RIMS2: variants seen among roughly 807,000 people sequenced by gnomAD.
The protein encoded by RIMS2 is regulating synaptic membrane exocytosis protein 2.
A neutral mutation model predicts 174.4 loss-of-function variants in RIMS2; 59 were observed. The observed-to-expected ratio is 0.34, with a 90% CI of 0.27 to 0.42. The LOEUF (loss-of-function observed/expected upper bound fraction) is 0.42. Among genes scored for constraint, RIMS2 ranks in the 10% least tolerant of loss-of-function variants. The pLI, the probability that RIMS2 is intolerant of heterozygous loss-of-function variation, is 1.00. For synonymous variants in RIMS2, 606 were observed against 572.5 expected (o/e 1.06, Z -0.84); for missense variants, 1,620 against 1,666.3 (o/e 0.97, Z 0.48).
At chr8:104,134,267 C>T (rs150811264) in intron 19 of RIMS2, among the ~76,000 whole-genome samples, 230 of 152,200 alleles carry the variant, frequency 1.5e-3, no homozygotes, top group African/African-American at 5.3e-3. Flanking sequence ...GAGTTCAAGA[C>T]CAGCTTGACC....
At chr8:103,552,738 C>G (rs1334588584) in intron 1 of RIMS2, among the ~76,000 whole-genome samples, 2 of 152,138 alleles carry the variant, frequency 1.3e-5, no homozygotes, top group Admixed American at 1.3e-4. Flanking sequence ...AGAACTTAAA[C>G]AAGTTTACAA....
intron 17 of RIMS2, among the ~76,000 whole-genome samples, chr8:104,002,346 A>G (rs2095422543): frequency 6.6e-6 from 1 of 151,978 alleles, no homozygotes; most frequent in South Asian, 2.1e-4. Context: ...AATATCCTCA[A>G]TTCTCTTGCT....
intron 3 of RIMS2, among the ~76,000 whole-genome samples, chr8:103,818,115 A>G (rs1018674379): frequency 5.3e-5 from 8 of 152,128 alleles, no homozygotes; most frequent in Non-Finnish European, 1.2e-4. Context: ...ATATTATTAC[A>G]TGTTTAATTT....
chr8:103,983,343 G>C (rs118187780), intron 16 of RIMS2, among the ~76,000 whole-genome samples: 17 of 152,256 alleles, frequency 1.1e-4, no homozygotes, highest in Non-Finnish European at 1.9e-4. Flanking sequence ...TACAGATTCA[G>C]TGCAATCCCT....
intron 19 of RIMS2, among the ~76,000 whole-genome samples, chr8:104,131,950 GTTA>G (rs879547060): frequency 1.3e-5 from 2 of 152,090 alleles, no homozygotes; most frequent in Non-Finnish European, 1.5e-5. Context: ...GCCATTTTAT[GTTA>G]TTATTGTGAT....
At chr8:104,015,941 C>G (rs1354467139) in intron 19 of RIMS2, among the ~76,000 whole-genome samples, 5 of 151,936 alleles carry the variant, frequency 3.3e-5, no homozygotes, top group Non-Finnish European at 1.5e-5. Flanking sequence ...GCTTGCGTTT[C>G]CAACATCATT....
intron 1 of RIMS2, among the ~76,000 whole-genome samples, chr8:103,537,645 T>TCTGGCTTTACCAAGCCAGATCA (rs1162641617): frequency 6.6e-5 from 10 of 152,142 alleles, no homozygotes; most frequent in Non-Finnish European, 7.4e-5. Flanking sequence ...ACTTACCATG[T>TCTGGCTTTACCAAGCCAGATCA]CTGGCTTTAC....
intron 19 of RIMS2, among the ~76,000 whole-genome samples, chr8:104,198,261 A>G (rs956163462): frequency 4.6e-5 from 7 of 152,202 alleles, no homozygotes; most frequent in Non-Finnish European, 1.0e-4. Flanking sequence ...GAGTCGCAAA[A>G]AGAGACACTC....
At chr8:103,951,899 C>T (rs541805228) in intron 14 of RIMS2, among the ~76,000 whole-genome samples, 11 of 152,312 alleles carry the variant, frequency 7.2e-5, no homozygotes, top group African/African-American at 2.4e-4. Context: ...CTACCTGGGA[C>T]GCTTGAGCTT....
intron 19 of RIMS2, among the ~76,000 whole-genome samples, chr8:104,147,434 G>C (rs1462887700): frequency 6.6e-6 from 1 of 151,882 alleles, no homozygotes; most frequent in East Asian, 1.9e-4. Flanking sequence ...GTAATATGTG[G>C]TTCTAGCCTT....
At chr8:104,060,701 G>A (rs190349028) in intron 19 of RIMS2, among the ~76,000 whole-genome samples, 2 of 152,096 alleles carry the variant, frequency 1.3e-5, no homozygotes, top group Admixed American at 1.3e-4. Context: ...TCTATTATGG[G>A]CATTTAGTGC....
chr8:103,962,175 CT>C lies in RIMS2; in HGVS notation c.2770+1044del, dbSNP rs1197821995. ...AATTCTTTCCATTCAGATCGTTCAT[CT>C]TGATGCCATTTTTGGATGTTTCTGT... On this transcript the variant is annotated intron_variant, in intron 15 of 23. Transcript: ENST00000504942. 3.3e-5 allele frequency among the ~76,000 whole-genome samples: 5 copies of C among 152,094 alleles called. No individual in the cohort carries two copies. In the East Asian group the frequency reaches 9.6e-4, roughly 29 times the overall value.
chr8:104,120,355 T>C (rs2098353962), intron 19 of RIMS2, among the ~76,000 whole-genome samples: 1 of 152,232 alleles, frequency 6.6e-6, no homozygotes, highest in Admixed American at 6.5e-5. Context: ...GAACAATCTA[T>C]TTAATTCCTA....
At chr8:103,998,644 CACCTCCAGAGTAGA>C (rs2095248640) in intron 17 of RIMS2, among the ~76,000 whole-genome samples, 1 of 151,710 alleles carries the variant, frequency 6.6e-6, no homozygotes, top group East Asian at 1.9e-4. Flanking sequence ...CTCACTTTCC[CACCTCCAGAGTAGA>C]GGAATCTGTC....
intron 2 of RIMS2, among the ~76,000 whole-genome samples, chr8:103,697,694 C>T (rs1027582256): frequency 3.3e-5 from 5 of 152,126 alleles, no homozygotes; most frequent in African/African-American, 1.2e-4. Context: ...TGCCACTGCA[C>T]TCCAGCCTGG....
chr8:103,609,489 C>G (rs2095289495), intron 1 of RIMS2, among the ~76,000 whole-genome samples: 1 of 152,088 alleles, frequency 6.6e-6, no homozygotes. Flanking sequence ...TAGTTTCAGG[C>G]TTTACATTTG....
chr8:104,216,627 G>C (rs1272265153), intron 19 of RIMS2, among the ~76,000 whole-genome samples: 3 of 152,170 alleles, frequency 2.0e-5, no homozygotes, highest in Non-Finnish European at 2.9e-5. Flanking sequence ...TCTATATAAA[G>C]AGTATAGTAA....
intron 19 of RIMS2, among the ~76,000 whole-genome samples, chr8:104,048,273 G>A (rs1387563650): frequency 6.6e-6 from 1 of 152,026 alleles, no homozygotes; most frequent in East Asian, 1.9e-4. Flanking sequence ...ATGGGCAAAG[G>A]ATATATACAG....
At chr8:104,094,486 G>T in intron 19 of RIMS2, 4 of 668,736 alleles carry the variant, frequency 6.0e-6, no homozygotes, top group Non-Finnish European at 1.1e-5. Context: ...AGACCAAAGG[G>T]AATAGAAGAG....
Sources: gnomAD v4.1 joint callset for allele counts (sites outside exome capture counted in the v4.1 genomes callset) on GRCh38, gnomAD v4.1.1 for gene constraint, MANE v1.5 for transcripts, NCBI Gene and HGNC (gene_info 2026-07-23, HGNC 2026-07-21) for gene names.